The following ZBTB41 variants were observed in gnomAD, a reference collection of about 807,000 sequenced individuals.
The protein encoded by ZBTB41 is zinc finger and BTB domain-containing protein 41.
In ZBTB41, 42 loss-of-function variants were observed where a neutral mutation model predicts 87.6. The ratio of observed to expected loss-of-function variants is 0.48; its 90% CI spans 0.37 to 0.62. The LOEUF (loss-of-function observed/expected upper bound fraction) is 0.62, where lower values mean the gene tolerates loss of function less well. Among genes scored for constraint, ZBTB41 ranks in the 20% least tolerant of loss-of-function variants. ZBTB41 has a pLI of 0.00. For synonymous variants in ZBTB41, 364 were observed against 364.0 expected (o/e 1.00, Z 0.00); for missense variants, 799 against 1,078.9 (o/e 0.74, Z 3.63).
chr1:197,187,314 G>C (rs1312010382), intron 5 of ZBTB41, among the ~76,000 whole-genome samples: 3 of 152,184 alleles, frequency 2.0e-5, no homozygotes, highest in African/African-American at 4.8e-5. Context: ...ATCCTTCAGT[G>C]AGCGAATGGA....
intron 5 of ZBTB41, among the ~76,000 whole-genome samples, chr1:197,183,324 AC>A (rs1253797371): frequency 1.3e-5 from 2 of 152,184 alleles, no homozygotes; most frequent in African/African-American, 2.4e-5. Context: ...TCTAAGAAGT[AC>A]GTATTAACTT....
chr1:197,166,565 G>C (rs978236337), intron 10 of ZBTB41, among the ~76,000 whole-genome samples: 6 of 152,042 alleles, frequency 3.9e-5, no homozygotes, highest in African/African-American at 1.4e-4. Flanking sequence ...CTTTAATTAG[G>C]CCCAGCATGG....
chr1:197,194,126 C>G (rs1660100725), intron 2 of ZBTB41, among the ~76,000 whole-genome samples: 1 of 152,096 alleles, frequency 6.6e-6, no homozygotes, highest in African/African-American at 2.4e-5. Context: ...TCAAGCGATT[C>G]TCCTGACTCA....
At chr1:197,172,113 A>ATC (rs764655945) in intron 10 of ZBTB41, 47 bp downstream of exon 10, 6 of 709,500 alleles carry the variant, frequency 8.5e-6, no homozygotes, top group Admixed American at 7.9e-5. Context: ...CACTATATAT[A>ATC]TCTCTCTCTA....
At chr1:197,183,450 T>C (rs1169606737) in intron 5 of ZBTB41, among the ~76,000 whole-genome samples, 1 of 152,222 alleles carries the variant, frequency 6.6e-6, no homozygotes, top group African/African-American at 2.4e-5. Flanking sequence ...CTTCCACTTC[T>C]ACATCATGCC....
chr1:197,195,065 T>C (rs1325855412), intron 2 of ZBTB41, among the ~76,000 whole-genome samples: 1 of 152,250 alleles, frequency 6.6e-6, no homozygotes, highest in Non-Finnish European at 1.5e-5. Context: ...TACAACTGTT[T>C]CTCTACTTTC....
At position 197,172,149 on chromosome 1, in the gene ZBTB41, T is replaced by C. The variant is rs1659497848; in HGVS notation, c.2074+11A>G. On this transcript the variant is annotated intron_variant, in intron 10 of 10. Transcript: ENST00000367405. ...TATATATATATCTATGAACCACTCA[T>C]TAAATTTTACCTGAATGCGTTCGAA... 4.6e-6 allele frequency: 6 copies of C among 1,313,574 alleles called. No homozygotes were observed. Among genetic ancestry groups the C allele is most frequent in the Non-Finnish European group, 6.0e-6 (6 of 996,594 alleles). 81.4% of individuals were successfully genotyped at this position (1,313,574 alleles called of 1,614,324 possible).
At position 197,159,953 on chromosome 1, in the gene ZBTB41, T is replaced by G; in HGVS notation, c.2136A>C (p.Thr712=). Residue 712 remains threonine, a synonymous_variant, in exon 11 of 11, where the codon ACA becomes ACC. Coordinates refer to ENST00000367405, the MANE Select transcript of ZBTB41 (RefSeq NM_194314.3). The part of the protein sequence containing the change: ...NQSFRIKKTL[T]KHLVIHSDAR... ...CATCAGAATGAATAACCAGGTGTTT[T>G]GTTAATGTTTTCTTAATTCTAAAAG... The G allele has an allele frequency of 1.9e-6, 3 of 1,613,768 alleles. No homozygotes were observed. Among genetic ancestry groups the G allele is most frequent in the Non-Finnish European group, 2.5e-6 (3 of 1,179,772 alleles).
At chr1:197,184,259 G>T (rs1659828591) in intron 5 of ZBTB41, among the ~76,000 whole-genome samples, 1 of 152,158 alleles carries the variant, frequency 6.6e-6, no homozygotes, top group African/African-American at 2.4e-5. Flanking sequence ...TGAATACTAT[G>T]AAAGAACAAC....
intron 10 of ZBTB41, among the ~76,000 whole-genome samples, chr1:197,164,488 C>T (rs1659268849): frequency 6.6e-6 from 1 of 151,024 alleles, no homozygotes; most frequent in Non-Finnish European, 1.5e-5. Context: ...GATAATTAAA[C>T]AATACCAAAA....
chr1:197,181,222 T>G, intron 5 of ZBTB41, 105 bp from the exon 6 acceptor site: 1 of 1,019,748 alleles, frequency 9.8e-7, no homozygotes, highest in African/African-American at 1.6e-5. Context: ...TTGGTGCATA[T>G]GTCATAATAC....
chr1:197,197,593 G>A (rs955609112), intron 2 of ZBTB41, among the ~76,000 whole-genome samples: 7 of 150,580 alleles, frequency 4.6e-5, no homozygotes, highest in African/African-American at 1.5e-4. Context: ...GCGAGGGAGG[G>A]AGGAAGGAAG....
At chr1:197,165,705 A>G (rs1222877580) in intron 10 of ZBTB41, among the ~76,000 whole-genome samples, 1 of 152,196 alleles carries the variant, frequency 6.6e-6, no homozygotes, top group Non-Finnish European at 1.5e-5. Flanking sequence ...TACATACAAT[A>G]AACAATAAGA....
intron 4 of ZBTB41, among the ~76,000 whole-genome samples, chr1:197,189,458 G>C (rs1659970155): frequency 6.6e-6 from 1 of 151,838 alleles, no homozygotes; most frequent in Non-Finnish European, 1.5e-5. Context: ...CCCAGGAGGA[G>C]GAGGTTGCAG....
chr1:197,180,843 A>G, intron 6 of ZBTB41, 145 bp downstream of exon 6: 1 of 843,926 alleles, frequency 1.2e-6, no homozygotes, highest in Non-Finnish European at 1.7e-6. Context: ...ACATTTGTGT[A>G]ATTCCTTTTT....
intron 10 of ZBTB41, among the ~76,000 whole-genome samples, chr1:197,164,981 A>G (rs1276726384): frequency 7.4e-6 from 1 of 134,350 alleles, no homozygotes; most frequent in Non-Finnish European, 1.5e-5. Flanking sequence ...TATATTATAT[A>G]TAATAATATA....
At chr1:197,179,745 C>T (rs1210783420) in intron 6 of ZBTB41, among the ~76,000 whole-genome samples, 4 of 148,796 alleles carry the variant, frequency 2.7e-5, no homozygotes, top group Admixed American at 2.7e-4. Flanking sequence ...TGTTTTTAAC[C>T]AAAAAAAAGT....
In ZBTB41 at chr1:197,188,356, G is replaced by T. The variant is rs780821496; in HGVS notation, c.1482C>A (p.Thr494=). 7.4e-6 allele frequency: 12 copies of T among 1,613,594 alleles called. No individual in the cohort carries two copies. Among genetic ancestry groups the T allele is most frequent in the Non-Finnish European group, 1.0e-5 (12 of 1,179,888 alleles). Reference sequence around the variant, plus strand: ...GTGATTTAAAATGTTCTTCACAATAGGTACACTTAAAAGGTTTATCTTGAG... The same window carrying T: ...GTGATTTAAAATGTTCTTCACAATATGTACACTTAAAAGGTTTATCTTGAG... ...LHSQDKPFKC[T]YCEEHFKSRF... is the part of the protein sequence containing the mutation. Residue 494 remains threonine (T), a synonymous_variant, in exon 5 of 11, where the codon ACC becomes ACA. Coordinates refer to ENST00000367405, the MANE Select transcript of ZBTB41 (RefSeq NM_194314.3).
intron 10 of ZBTB41, among the ~76,000 whole-genome samples, chr1:197,162,602 A>G (rs1251654379): frequency 6.6e-6 from 1 of 152,188 alleles, no homozygotes; most frequent in African/African-American, 2.4e-5. Flanking sequence ...TCAGACTTAC[A>G]TCATATCATG....
Sources: allele counts gnomAD v4.1 joint callset (sites outside exome capture counted in the v4.1 genomes callset), GRCh38; gene constraint gnomAD v4.1.1; transcripts MANE v1.5; gene names NCBI Gene and HGNC (gene_info 2026-07-23, HGNC 2026-07-21).